PNPLA7: variants seen among roughly 807,000 people sequenced by gnomAD.
The protein encoded by PNPLA7 is patatin like domain 7, lysophospholipase.
In PNPLA7, 153 loss-of-function variants were observed where a neutral mutation model predicts 161.7. The observed-to-expected ratio is 0.95, with a 90% CI of 0.83 to 1.08. The LOEUF (loss-of-function observed/expected upper bound fraction) is 1.08. PNPLA7 is among the 50% of genes least tolerant of loss of function. The pLI is 0.00. For missense variants in PNPLA7, 1,739 were observed against 1,856.6 expected (o/e 0.94, Z 1.16); for synonymous variants, 809 against 782.1 (o/e 1.03, Z -0.57).
rs1169465308 is a variant in PNPLA7, at chr9:137,499,027, G to A, written c.1758-782C>T. On this transcript the variant is annotated intron_variant, in intron 16 of 34. Transcript: ENST00000406427. The surrounding 1 kb of genome is among the most constrained non-coding windows in gnomAD (Gnocchi z 5.5). ...GGGTGAGGGCGTGAAGGGCGTGAGC[G>A]TGGCACTTAGAGCCCTGGGGGTGGA... 1.3e-5 allele frequency among the ~76,000 whole-genome samples: 2 copies of A among 152,098 alleles called. No homozygotes were observed. The highest frequency in any genetic ancestry group is 2.4e-5 in the African/African-American group (1 of 41,400).
intron 8 of PNPLA7, among the ~76,000 whole-genome samples, chr9:137,531,286 C>A (rs542554163): frequency 6.6e-6 from 1 of 152,148 alleles, no homozygotes; most frequent in Non-Finnish European, 1.5e-5. Flanking sequence ...GAGAAAAGCA[C>A]GTGCGTGTGT....
intron 11 of PNPLA7, among the ~76,000 whole-genome samples, chr9:137,519,680 C>T (rs1834885902): frequency 6.7e-6 from 1 of 148,460 alleles, no homozygotes; most frequent in Non-Finnish European, 1.5e-5. Flanking sequence ...TGACCTGGGG[C>T]ACGTGTGAGG....
At chr9:137,527,825 T>C (rs1835377484) in intron 8 of PNPLA7, among the ~76,000 whole-genome samples, 2 of 152,238 alleles carry the variant, frequency 1.3e-5, no homozygotes, top group African/African-American at 4.8e-5. Flanking sequence ...AATTAGCATA[T>C]TTTGTCCTTA....
intron 32 of PNPLA7, 95 bp downstream of exon 32, chr9:137,461,836 G>A (rs1831214835): frequency 7.4e-7 from 1 of 1,360,116 alleles, no homozygotes. Flanking sequence ...GTGGCCTGAG[G>A]AGCTGGGCGT....
Position 137,499,044 on chromosome 9 carries a change from G to A in PNPLA7, c.1758-799C>T, listed in dbSNP as rs1042756054. 9.2e-5 allele frequency among the ~76,000 whole-genome samples: 14 copies of A among 152,084 alleles called. No individual in the cohort carries two copies. Among genetic ancestry groups the A allele is most frequent in the African/African-American group, 3.4e-4 (14 of 41,386 alleles). ...GCGTGAGCGTGGCACTTAGAGCCCT[G>A]GGGGTGGAGGAGGAGCCCTGGGATG... On this transcript the variant is annotated intron_variant, in intron 16 of 34. Coordinates refer to ENST00000406427, the MANE Select transcript of PNPLA7 (RefSeq NM_001098537.3). This position sits in a 1 kb window ranked among gnomAD's most constrained non-coding sequence, Gnocchi z 5.5.
In PNPLA7 at chr9:137,479,145, C is replaced by T; in HGVS notation, c.2674G>A (p.Glu892Lys). 1 of 1,586,996 alleles carries T rather than the reference C, an allele frequency of 6.3e-7. No individual in the cohort carries two copies. Among genetic ancestry groups the T allele is most frequent in the South Asian group, 1.1e-5 (1 of 87,106 alleles). The change falls in exon 24 of 35, where the codon GAG becomes AAG. Residue 892 changes from glutamate to lysine, a missense_variant. Glu to Lys is a moderately conservative substitution (Grantham distance 56, BLOSUM62 1). This residue lies in a region of PNPLA7 where 703 missense variants were observed against 694.6 expected (regional missense o/e 1.01). Coordinates refer to ENST00000406427, the MANE Select transcript of PNPLA7 (RefSeq NM_001098537.3). ...CACCAGCTCCGCATGTTGAGCCACT[C>T]CACGGTGCGCGCTGGCGCCGGGCCC... is the stretch of plus-strand genomic sequence containing the variant. ...EEGPAPARTV[E>K]WLNMRSWCSG...
At chr9:137,539,881 G>A (rs1836096796) in intron 8 of PNPLA7, among the ~76,000 whole-genome samples, 1 of 152,104 alleles carries the variant, frequency 6.6e-6, no homozygotes, top group African/African-American at 2.4e-5. Flanking sequence ...TACCTCCCGG[G>A]TTCATGCGAT....
At chr9:137,508,667 TAA>T (rs1834045552) in intron 12 of PNPLA7, 1 of 152,074 alleles carries the variant, frequency 6.6e-6, no homozygotes, top group Non-Finnish European at 1.5e-5. Flanking sequence ...ATATGAAAGG[TAA>T]AACGTTAAAT....
intron 21 of PNPLA7, among the ~76,000 whole-genome samples, chr9:137,482,447 G>A (rs539725241): frequency 2.0e-5 from 3 of 152,248 alleles, no homozygotes; most frequent in East Asian, 3.9e-4. Context: ...GGAACTTTGC[G>A]TGCACGTGAC....
At chr9:137,494,772 G>A (rs1407533619) in intron 19 of PNPLA7, among the ~76,000 whole-genome samples, 1 of 144,644 alleles carries the variant, frequency 6.9e-6, no homozygotes, top group Non-Finnish European at 1.5e-5. Flanking sequence ...CACCTGCTCC[G>A]TGACCTCATC....
intron 14 of PNPLA7, 141 bp from the exon 15 acceptor site, chr9:137,501,868 C>A: frequency 3.7e-6 from 3 of 810,862 alleles, no homozygotes; most frequent in Non-Finnish European, 5.9e-6. Flanking sequence ...GGCTGTCCTC[C>A]AACAAGGGCC....
intron 17 of PNPLA7, among the ~76,000 whole-genome samples, 185 bp from the exon 18 acceptor site, chr9:137,497,495 T>G (rs1833127852): frequency 6.6e-6 from 1 of 152,284 alleles, no homozygotes; most frequent in African/African-American, 2.4e-5. Flanking sequence ...TGGGTTGTTT[T>G]AAATGAATAT....
At chr9:137,485,980 A>G (rs925171201) in intron 20 of PNPLA7, among the ~76,000 whole-genome samples, 2 of 151,598 alleles carry the variant, frequency 1.3e-5, no homozygotes, top group Admixed American at 6.6e-5. Context: ...GGACGGCCTC[A>G]CTGCTCCTGA....
chr9:137,497,566 C>T (rs978511439), intron 17 of PNPLA7, among the ~76,000 whole-genome samples: 4 of 152,238 alleles, frequency 2.6e-5, no homozygotes, highest in Non-Finnish European at 4.4e-5. Flanking sequence ...CTCGCTCTGT[C>T]GCCCAGGCTG....
At chr9:137,461,389 G>T in intron 33 of PNPLA7, 147 bp downstream of exon 33, 2 of 844,320 alleles carry the variant, frequency 2.4e-6, no homozygotes, top group Non-Finnish European at 3.5e-6. Flanking sequence ...ACGGAGGAGT[G>T]CCACCAAGCA....
chr9:137,522,296 G>T (rs56105003), intron 9 of PNPLA7, among the ~76,000 whole-genome samples: 103 of 149,774 alleles, frequency 6.9e-4, no homozygotes, highest in South Asian at 1.0e-3. Flanking sequence ...GGATGGTCTC[G>T]ATCTCCTGAC....
chr9:137,464,044 TC>T (rs1831345931), intron 28 of PNPLA7, 81 bp downstream of exon 28: 3 of 1,491,604 alleles, frequency 2.0e-6, no homozygotes, highest in African/African-American at 1.4e-5. Flanking sequence ...CCCGCGGCCT[TC>T]CCAACCCCTG....
At chr9:137,525,270 GT>G in intron 8 of PNPLA7, among the ~76,000 whole-genome samples, 1 of 152,314 alleles carries the variant, frequency 6.6e-6, no homozygotes, top group Admixed American at 6.5e-5. Context: ...GTGCCTGTGT[GT>G]TTTTTTCTTC....
chr9:137,464,042 C>A, intron 28 of PNPLA7, 84 bp downstream of exon 28: 1 of 1,478,222 alleles, frequency 6.8e-7, no homozygotes, highest in Non-Finnish European at 9.2e-7. Context: ...ACCCCGCGGC[C>A]TTCCCAACCC....
Sources: allele counts gnomAD v4.1 joint callset (sites outside exome capture counted in the v4.1 genomes callset), GRCh38; gene constraint gnomAD v4.1.1; regional missense constraint gnomAD v4.1.1; non-coding constraint Gnocchi (gnomAD v3.1); transcripts MANE v1.5; gene names NCBI Gene and HGNC (gene_info 2026-07-23, HGNC 2026-07-21).